Variants in SLX4IP observed in about 807,000 individuals in gnomAD.
The protein encoded by SLX4IP is SLX4 interacting protein.
In SLX4IP, 34 loss-of-function variants were observed where a neutral mutation model predicts 32.9. The observed-to-expected ratio is 1.03, with a 90% CI of 0.79 to 1.38. The LOEUF is 1.38. Ranked by LOEUF, SLX4IP falls within the 40% of genes most tolerant of loss-of-function variation. The pLI, the probability that SLX4IP is intolerant of heterozygous loss-of-function variation, is 0.00. For missense variants in SLX4IP, 444 were observed against 479.0 expected (o/e 0.93, Z 0.68); for synonymous variants, 172 against 171.7 (o/e 1.00, Z -0.01).
chr20:10,596,915 T>G (rs76749488), intron 4 of SLX4IP, among the ~76,000 whole-genome samples: 2,441 of 152,338 alleles, frequency 0.016, 70 homozygotes, highest in African/African-American at 0.055. Flanking sequence ...GAAAGCCACA[T>G]GACTGAAATG....
chr20:10,570,708 T>C (rs1319081560), intron 4 of SLX4IP, among the ~76,000 whole-genome samples: 7 of 152,006 alleles, frequency 4.6e-5, no homozygotes, highest in Admixed American at 3.9e-4. Flanking sequence ...TTTGTATTTT[T>C]AGTAGAGACA....
intron 4 of SLX4IP, among the ~76,000 whole-genome samples, chr20:10,564,892 G>A (rs1266699977): frequency 6.6e-6 from 1 of 152,164 alleles, no homozygotes; most frequent in Non-Finnish European, 1.5e-5. Context: ...TATTACCAGT[G>A]TTTTTAATTT....
chr20:10,450,725 A>G (rs2065234069), intron 1 of SLX4IP, among the ~76,000 whole-genome samples: 1 of 152,226 alleles, frequency 6.6e-6, no homozygotes, highest in Non-Finnish European at 1.5e-5. Context: ...AGTAATAATA[A>G]TTATCAATAC....
At chr20:10,533,272 G>A (rs1470621485) in intron 2 of SLX4IP, among the ~76,000 whole-genome samples, 1 of 152,112 alleles carries the variant, frequency 6.6e-6, no homozygotes, top group Non-Finnish European at 1.5e-5. Context: ...ATGTCTTCTC[G>A]ATGGTCTGAT....
intron 6 of SLX4IP, chr20:10,613,497 T>C: frequency 6.2e-7 from 1 of 1,603,390 alleles, no homozygotes; most frequent in Non-Finnish European, 8.5e-7. Context: ...TTTGCAGTAC[T>C]TTGCTTCCAT....
intron 1 of SLX4IP, among the ~76,000 whole-genome samples, chr20:10,452,907 G>A (rs919514493): frequency 3.3e-5 from 5 of 151,542 alleles, no homozygotes; most frequent in African/African-American, 1.2e-4. Context: ...AAAAGAATTG[G>A]ATCCCGATCA....
At chr20:10,538,291 A>C (rs2066067363) in intron 2 of SLX4IP, among the ~76,000 whole-genome samples, 1 of 151,692 alleles carries the variant, frequency 6.6e-6, no homozygotes, top group Non-Finnish European at 1.5e-5. Context: ...AAGGTTTTAG[A>C]CAAGGTTTCT....
intron 7 of SLX4IP, among the ~76,000 whole-genome samples, chr20:10,621,972 A>G (rs1816086232): frequency 6.6e-6 from 1 of 152,114 alleles, no homozygotes; most frequent in Admixed American, 6.5e-5. Flanking sequence ...CTCAAAGTTC[A>G]CTTTATCATC....
intron 2 of SLX4IP, among the ~76,000 whole-genome samples, chr20:10,478,123 T>C (rs1281966230): frequency 6.6e-6 from 1 of 152,032 alleles, no homozygotes; most frequent in East Asian, 1.9e-4. Context: ...GGTCTTGAAC[T>C]CCTGAGCTCA....
At chr20:10,495,840 A>T (rs1386135045) in intron 2 of SLX4IP, among the ~76,000 whole-genome samples, 84 of 151,332 alleles carry the variant, frequency 5.6e-4, no homozygotes, top group African/African-American at 1.8e-3. Flanking sequence ...TTACTTTTCA[A>T]GCCCTTTCTG....
At chr20:10,571,567 CT>C (rs1323737727) in intron 4 of SLX4IP, among the ~76,000 whole-genome samples, 1 of 152,162 alleles carries the variant, frequency 6.6e-6, no homozygotes, top group African/African-American at 2.4e-5. Context: ...TGTGTAGCTT[CT>C]CTCTCAAGAG....
intron 4 of SLX4IP, among the ~76,000 whole-genome samples, chr20:10,578,246 C>T (rs1442566527): frequency 6.6e-6 from 1 of 152,170 alleles, no homozygotes; most frequent in Non-Finnish European, 1.5e-5. Context: ...CCCCAATACC[C>T]CAGCCACAGA....
At position 10,622,861 on chromosome 20, in the gene SLX4IP, G is replaced by A. The variant is rs765338350; in HGVS notation, c.709G>A (p.Val237Ile). ...AGCTGAGAGCCACTGGGGGCTTCCT[G>A]TTCAAAAGCTGGAAAAAGTTAATCA... ...KAAESHWGLPVQKLEKVNQTQ... is the reference protein window; with the variant it reads ...KAAESHWGLPIQKLEKVNQTQ... Residue 237 changes from valine (V) to isoleucine (I), a missense_variant, in exon 8 of 8, where the codon GTT (valine) becomes ATT (isoleucine). Transcript: ENST00000334534. The A allele has an allele frequency of 1.9e-6, 3 of 1,614,070 alleles. No individual in the cohort carries two copies. In the South Asian group the frequency reaches 3.3e-5, roughly 18 times the overall value.
At position 10,600,624 on chromosome 20, in the gene SLX4IP, CCTT is replaced by C. The variant is rs531031518; in HGVS notation, c.317-1103_317-1101del. On this transcript the variant is annotated intron_variant, in intron 5 of 7. Coordinates refer to ENST00000334534, the MANE Select transcript of SLX4IP (RefSeq NM_001009608.3). ...AAATTCTGTGTCCATGTAATTGACA[CCTT>C]CTTGCTTGGCTTCCAAGCGGTGCAT... is the stretch of plus-strand genomic sequence containing the variant. Among the ~76,000 whole-genome samples, 177 of 152,196 alleles carry C rather than the reference CCTT, an allele frequency of 1.2e-3. 1 individual carries two copies. Among genetic ancestry groups the C allele is most frequent in the African/African-American group, 3.9e-3 (160 of 41,528 alleles).
intron 4 of SLX4IP, among the ~76,000 whole-genome samples, chr20:10,577,225 A>G (rs1219340896): frequency 6.6e-6 from 1 of 152,204 alleles, no homozygotes; most frequent in Admixed American, 6.5e-5. Context: ...CCCTTATTTT[A>G]GTAAAATACT....
chr20:10,586,637 A>C (rs2066648670), intron 4 of SLX4IP, among the ~76,000 whole-genome samples: 1 of 152,212 alleles, frequency 6.6e-6, no homozygotes, highest in African/African-American at 2.4e-5. Context: ...AAGAGGGAAA[A>C]AAAGATGAAG....
intron 2 of SLX4IP, among the ~76,000 whole-genome samples, chr20:10,486,022 G>A (rs6077815): frequency 6.6e-6 from 1 of 151,828 alleles, no homozygotes; most frequent in African/African-American, 2.4e-5. Flanking sequence ...AGGCACCCTC[G>A]GTATAACATT....
At chr20:10,518,495 TTCC>T (rs2065876179) in intron 2 of SLX4IP, among the ~76,000 whole-genome samples, 4 of 11,618 alleles carry the variant, frequency 3.4e-4, no homozygotes, top group South Asian at 2.8e-3. Context: ...TTCCTTTTCC[TTCC>T]TTCCTTCCTT....
intron 2 of SLX4IP, among the ~76,000 whole-genome samples, chr20:10,469,429 A>G (rs6039962): frequency 0.49 from 74,821 of 151,966 alleles, 19,914 homozygotes; most frequent in Non-Finnish European, 0.6. Flanking sequence ...AATCAAGATG[A>G]CAATCCATAG....
Sources: allele counts gnomAD v4.1 joint callset (sites outside exome capture counted in the v4.1 genomes callset), GRCh38; gene constraint gnomAD v4.1.1; transcripts MANE v1.5; gene names NCBI Gene and HGNC (gene_info 2026-07-23, HGNC 2026-07-21).